FER1L5: variants seen among roughly 807,000 people sequenced by gnomAD.
FER1L5 encodes the protein fer-1-like protein 5.
Under a neutral mutation model 279.9 loss-of-function variants are expected in FER1L5, and 187 were observed. The ratio of observed to expected loss-of-function variants is 0.67; its 90% CI spans 0.59 to 0.75. FER1L5 has a LOEUF of 0.75. FER1L5 is among the 30% of genes least tolerant of loss of function. FER1L5 has a pLI of 0.00. For synonymous variants in FER1L5, 921 were observed against 989.7 expected, an observed-to-expected ratio of 0.93 and a Z score of 1.30; for missense variants, 2,091 against 2,594.4, an observed-to-expected ratio of 0.81 and a Z score of 4.21.
intron 19 of FER1L5, among the ~76,000 whole-genome samples, chr2:96,679,458 G>A (rs765057135): frequency 1.7e-4 from 26 of 152,058 alleles, no homozygotes; most frequent in Non-Finnish European, 2.8e-4. Flanking sequence ...TCGTGACCTC[G>A]TGATCCACCC....
intron 31 of FER1L5, among the ~76,000 whole-genome samples, chr2:96,692,880 G>A (rs1338265522): frequency 1.3e-5 from 2 of 152,114 alleles, no homozygotes; most frequent in Admixed American, 1.3e-4. Flanking sequence ...CTGCTGCCAT[G>A]AAAGGGCAGC....
Position 96,660,374 on chromosome 2 carries a change from A to G in FER1L5, c.778+3A>G. ...TGGGTTTATCTACCATTCTCCAGGT[A>G]GGTAATACTTATGGCAAATATGTAT... is the stretch of plus-strand genomic sequence containing the variant. On this transcript the variant is annotated splice_donor_region_variant and intron_variant, in intron 10 of 52. Transcript: ENST00000624922. The G allele has an allele frequency of 6.4e-7, 1 of 1,551,664 alleles. No homozygotes were observed. Among genetic ancestry groups the G allele is most frequent in the Non-Finnish European group, 8.7e-7 (1 of 1,146,936 alleles).
intron 19 of FER1L5, among the ~76,000 whole-genome samples, chr2:96,683,060 G>C (rs1266740546): frequency 1.3e-5 from 2 of 152,198 alleles, no homozygotes; most frequent in African/African-American, 4.8e-5. Flanking sequence ...CCACACTGGA[G>C]ACAGGCAAGC....
intron 45 of FER1L5, 89 bp downstream of exon 45, chr2:96,700,560 G>C (rs561791948): frequency 2.6e-6 from 4 of 1,567,104 alleles, no homozygotes; most frequent in South Asian, 2.2e-5. Context: ...CATAGTCCAC[G>C]AGAGGAGAAG....
rs555538638 is a variant in FER1L5 at position 96,666,659 on chromosome 2, A to T, written c.1141-2092A>T. Among the ~76,000 whole-genome samples, 1,303 of 145,778 alleles carry T rather than the reference A, an allele frequency of 8.9e-3. 17 individuals carry two copies. The highest frequency in any genetic ancestry group is 0.031 in the African/African-American group (1,222 of 39,870). On this transcript the variant is annotated intron_variant, in intron 14 of 52. Coordinates refer to ENST00000624922, the MANE Select transcript of FER1L5 (RefSeq NM_001293083.2). ...ATGGATTTTTTTCTTTTATTTATTT[A>T]TTTTTTTTTTTTAGACAGTCTTGCT...
At chr2:96,655,872 G>T (rs1224009803) in intron 9 of FER1L5, among the ~76,000 whole-genome samples, 1 of 151,858 alleles carries the variant, frequency 6.6e-6, no homozygotes, top group Non-Finnish European at 1.5e-5. Flanking sequence ...ACTGCACCTG[G>T]CTAATTTTTA....
chr2:96,666,161 G>A (rs1455908939), intron 14 of FER1L5, among the ~76,000 whole-genome samples: 1 of 150,668 alleles, frequency 6.6e-6, no homozygotes, highest in Non-Finnish European at 1.5e-5. Context: ...CAGAAGGGGA[G>A]CAGAGCCCAG....
rs532346061 is a variant in FER1L5 at position 96,653,632 on chromosome 2, T to G, written c.634-8T>G. ...TCATCCACTCTACCCCAATTCTCTT[T>G]GCCTCAGATCTTCTTCCAGAATTTT... On this transcript the variant is annotated splice_polypyrimidine_tract_variant and splice_region_variant and intron_variant, in intron 7 of 52. Coordinates refer to ENST00000624922, the MANE Select transcript of FER1L5 (RefSeq NM_001293083.2). 6.4e-7 allele frequency: 1 copy of G among 1,550,462 alleles called. No individual in the cohort carries two copies. Among genetic ancestry groups the G allele is most frequent in the Non-Finnish European group, 8.7e-7 (1 of 1,145,882 alleles).
At chr2:96,650,595 G>T (rs1243682046) in intron 6 of FER1L5, among the ~76,000 whole-genome samples, 1 of 152,192 alleles carries the variant, frequency 6.6e-6, no homozygotes, top group Non-Finnish European at 1.5e-5. Context: ...GAGTCCTCAG[G>T]TTGTTGGCAA....
chr2:96,663,488 T>G lies in FER1L5; in HGVS notation c.1121T>G (p.Ile374Ser). 6.4e-7 allele frequency: 1 copy of G among 1,551,560 alleles called. No individual in the cohort carries two copies. The highest frequency in any genetic ancestry group is 8.7e-7 in the Non-Finnish European group (1 of 1,146,950). Reference sequence around the variant, plus strand: ...ACCGACAACCCGATATGGAACCAGATCCTGACCTTCCGGATTCAGGTATGG... The same window carrying G: ...ACCGACAACCCGATATGGAACCAGAGCCTGACCTTCCGGATTCAGGTATGG... The part of the protein sequence containing the change: ...TQTDNPIWNQ[I>S]LTFRIQLPCL... Residue 374 changes from isoleucine (I) to serine (S), a missense_variant, in exon 14 of 53, where the codon ATC becomes AGC. Physicochemically the swap from Ile to Ser is moderately radical, Grantham distance 142 (BLOSUM62 -2). Coordinates refer to ENST00000624922, the MANE Select transcript of FER1L5 (RefSeq NM_001293083.2).
At chr2:96,699,474 G>C in intron 42 of FER1L5, 76 bp from the exon 43 acceptor site, 2 of 1,500,914 alleles carry the variant, frequency 1.3e-6, no homozygotes, top group Non-Finnish European at 1.8e-6. Context: ...GGCCTACGGG[G>C]CCGAGACACC....
rs370189655 is a variant in FER1L5 at position 96,698,345 on chromosome 2, C to T, written c.4356+189C>T. Reference sequence around the variant, plus strand: ...GGAGCGCTCCCCTTCCCCTCCCCACCCTGGCCTATGCTGGCCTCCCAAGGC... The same window carrying T: ...GGAGCGCTCCCCTTCCCCTCCCCACTCTGGCCTATGCTGGCCTCCCAAGGC... On this transcript the variant is annotated intron_variant, in intron 40 of 52. Transcript: ENST00000624922. The surrounding 1 kb of genome is among the most constrained non-coding windows in gnomAD (Gnocchi z 5.5). 1.6e-4 allele frequency among the ~76,000 whole-genome samples: 25 copies of T among 152,330 alleles called. No homozygotes were observed. The East Asian group carries it at 4.8e-3, about 29-fold the overall frequency.
chr2:96,662,533 C>T (rs758610362), intron 13 of FER1L5, among the ~76,000 whole-genome samples: 29 of 152,180 alleles, frequency 1.9e-4, no homozygotes, highest in African/African-American at 6.5e-4. Flanking sequence ...TCGAAACTGT[C>T]GCCACCCCTC....
chr2:96,683,743 C>T (rs1033582950), intron 19 of FER1L5, among the ~76,000 whole-genome samples: 3 of 152,238 alleles, frequency 2.0e-5, no homozygotes, highest in African/African-American at 7.2e-5. Flanking sequence ...TTTCGCTTGC[C>T]TCACAGATTT....
chr2:96,668,276 C>T (rs990191674), intron 14 of FER1L5, among the ~76,000 whole-genome samples: 1 of 151,956 alleles, frequency 6.6e-6, no homozygotes, highest in Non-Finnish European at 1.5e-5. Flanking sequence ...CTAATCCCAA[C>T]ATTTTGAGAG....
At chr2:96,701,300 C>T (rs932091513) in intron 45 of FER1L5, among the ~76,000 whole-genome samples, 2 of 151,534 alleles carry the variant, frequency 1.3e-5, no homozygotes, top group African/African-American at 4.9e-5. Flanking sequence ...CAGAGGGAAA[C>T]TCTGTTTCAA....
At chr2:96,648,039 C>G (rs902203744) in intron 4 of FER1L5, among the ~76,000 whole-genome samples, 153 bp downstream of exon 4, 1 of 152,242 alleles carries the variant, frequency 6.6e-6, no homozygotes, top group Admixed American at 6.5e-5. Context: ...TCTGCGCCCC[C>G]CTCCCCAACG....
Position 96,704,732 on chromosome 2 carries a change from C to G in FER1L5, c.*40C>G, listed in dbSNP as rs904128138. 6.5e-7 allele frequency: 1 copy of G among 1,536,004 alleles called. No homozygotes were observed. The highest frequency in any genetic ancestry group is 9.0e-7 in the Non-Finnish European group (1 of 1,111,212). On this transcript the variant is annotated 3_prime_UTR_variant, in exon 53 of 53. Coordinates refer to ENST00000624922, the MANE Select transcript of FER1L5 (RefSeq NM_001293083.2). ...CTGGCTTTCCTCCTGCTACCAACAG[C>G]CCTCCCCTTGGGCTGGCTACCAGTT...
intron 14 of FER1L5, among the ~76,000 whole-genome samples, chr2:96,667,401 G>GC (rs1241390754): frequency 6.7e-6 from 1 of 149,420 alleles, no homozygotes; most frequent in African/African-American, 2.5e-5. Flanking sequence ...AGGCTGGAGT[G>GC]CAATGGCACG....
Sources: allele counts gnomAD v4.1 joint callset (sites outside exome capture counted in the v4.1 genomes callset), GRCh38; gene constraint gnomAD v4.1.1; non-coding constraint Gnocchi (gnomAD v3.1); transcripts MANE v1.5; gene names NCBI Gene and HGNC (gene_info 2026-07-23, HGNC 2026-07-21).